Variants in MYO16 observed in about 807,000 individuals in gnomAD.
MYO16 encodes the protein unconventional myosin-XVI.
Under a neutral mutation model 205.3 loss-of-function variants are expected in MYO16, and 94 were observed. The observed-to-expected ratio is 0.46, with a 90% CI of 0.39 to 0.54. The LOEUF (loss-of-function observed/expected upper bound fraction) is 0.54, where lower values mean the gene tolerates loss of function less well. Among genes scored for constraint, MYO16 ranks in the 20% least tolerant of loss-of-function variants. The pLI, the probability that MYO16 is intolerant of heterozygous loss-of-function variation, is 0.00. For missense variants in MYO16, 2,315 were observed against 2,387.5 expected, an observed-to-expected ratio of 0.97 and a Z score of 0.63; for synonymous variants, 988 against 954.0, an observed-to-expected ratio of 1.04 and a Z score of -0.66.
At chr13:109,030,771 C>G (rs1886523291) in intron 23 of MYO16, among the ~76,000 whole-genome samples, 1 of 152,076 alleles carries the variant, frequency 6.6e-6, no homozygotes. Context: ...GCAAAGTCAA[C>G]TAAACTCCCT....
At position 108,642,833 on chromosome 13, in the gene MYO16, C is replaced by G. The variant is rs142567940; in HGVS notation, c.28+12961C>G. On this transcript the variant is annotated intron_variant, in intron 1 of 34. Coordinates refer to ENST00000457511, the MANE Select transcript of MYO16 (RefSeq NM_001198950.3). ...AAATAATTAGTTTTATTTACTAATC[C>G]TACCCCCCCAAATTTTGTCTTATTA... 5.7e-4 allele frequency among the ~76,000 whole-genome samples: 86 copies of G among 152,160 alleles called. 1 individual carries two copies. The East Asian group carries it at 0.016, about 28-fold the overall frequency.
At chr13:109,199,194 A>ATATG (rs1880293425) in intron 34 of MYO16, among the ~76,000 whole-genome samples, 4 of 1,350 alleles carry the variant, frequency 3.0e-3, no homozygotes, top group Non-Finnish European at 1.7e-3. Flanking sequence ...TAAAAAAGGT[A>ATATG]TATATATATA....
chr13:108,624,090 G>A (rs1262566057), intron 1 of MYO16, among the ~76,000 whole-genome samples: 1 of 152,124 alleles, frequency 6.6e-6, no homozygotes, highest in Non-Finnish European at 1.5e-5. Context: ...AAAAATCCAT[G>A]TATATCAATG....
At chr13:108,868,128 T>A (rs1594356057) in intron 12 of MYO16, among the ~76,000 whole-genome samples, 1 of 109,548 alleles carries the variant, frequency 9.1e-6, no homozygotes, top group South Asian at 2.8e-4. Context: ...ATCCTCACAA[T>A]TTTTTTTTGA....
chr13:108,742,062 G>A (rs113598364), intron 4 of MYO16, among the ~76,000 whole-genome samples: 5,401 of 152,168 alleles, frequency 0.035, 299 homozygotes, highest in African/African-American at 0.12. Flanking sequence ...GCATGATCTT[G>A]GCTGACTGCA....
chr13:109,114,445 T>G (rs1875570047), intron 28 of MYO16, among the ~76,000 whole-genome samples: 1 of 152,230 alleles, frequency 6.6e-6, no homozygotes. Context: ...ACTAACTTTC[T>G]GTGTGGACTG....
At chr13:109,013,482 G>C (rs1885690149) in intron 22 of MYO16, among the ~76,000 whole-genome samples, 1 of 152,178 alleles carries the variant, frequency 6.6e-6, no homozygotes, top group Admixed American at 6.5e-5. Context: ...TATATACCCA[G>C]TAATGGGATC....
chr13:108,583,808 C>A, the MYO16 span, among the ~76,000 whole-genome samples: 3 of 152,194 alleles, frequency 2.0e-5, no homozygotes, highest in Non-Finnish European at 4.4e-5. Flanking sequence ...CCTTCAATAT[C>A]ATCGGGAAGA....
At chr13:109,022,458 C>A (rs1400037674) in intron 23 of MYO16, among the ~76,000 whole-genome samples, 2 of 121,502 alleles carry the variant, frequency 1.6e-5, no homozygotes, top group Non-Finnish European at 3.2e-5. Context: ...GTTATATATA[C>A]AATATAAACA....
chr13:108,669,827 A>G (rs1352330641), intron 2 of MYO16, among the ~76,000 whole-genome samples: 3 of 152,188 alleles, frequency 2.0e-5, no homozygotes, highest in East Asian at 1.9e-4. Context: ...ACAGGAACAG[A>G]AAACCAAACA....
chr13:108,747,232 C>A (rs901982238), intron 4 of MYO16, among the ~76,000 whole-genome samples: 3 of 152,070 alleles, frequency 2.0e-5, no homozygotes, highest in African/African-American at 7.2e-5. Context: ...GAATAGAGAA[C>A]ATTGAAGAAG....
At chr13:108,978,763 CT>C (rs1174817953) in intron 20 of MYO16, among the ~76,000 whole-genome samples, 32 of 151,930 alleles carry the variant, frequency 2.1e-4, no homozygotes, top group African/African-American at 7.5e-4. Context: ...ACAGTTTGTA[CT>C]AAATGAAGAT....
rs976870572 is a variant in MYO16, at chr13:108,655,960, G to A, written c.29-9926G>A. The stretch of plus-strand genomic sequence containing the variant: ...TGCTTTCGATTTTACAGGCTCATAG[G>A]CATAAGGGACTTGCCTTGTTTCAGA... On this transcript the variant is annotated intron_variant, in intron 1 of 34. Transcript: ENST00000457511. Among the ~76,000 whole-genome samples the A allele has an allele frequency of 2.6e-5, 4 of 152,106 alleles. No homozygotes were observed. The South Asian group carries it at 8.3e-4, about 32-fold the overall frequency.
rs1328761396 is a variant in MYO16, at chr13:108,919,579, T to C, written c.1925+9429T>C. The stretch of plus-strand genomic sequence containing the variant: ...TTCTTGGCTGAGTAAAGATGTTTGC[T>C]TGATGCTAGATGTGCAAGCAGTGTA... On this transcript the variant is annotated intron_variant, in intron 16 of 34. Transcript: ENST00000457511. 3.9e-5 allele frequency among the ~76,000 whole-genome samples: 6 copies of C among 152,322 alleles called. No homozygotes were observed. In the South Asian group the frequency reaches 1.2e-3, roughly 32 times the overall value.
At chr13:109,056,792 C>T (rs1887431152) in intron 27 of MYO16, among the ~76,000 whole-genome samples, 1 of 151,990 alleles carries the variant, frequency 6.6e-6, no homozygotes, top group East Asian at 1.9e-4. Flanking sequence ...AACAATAAAA[C>T]AGGGGTGGGC....
At chr13:108,709,325 A>G (rs1883635206) in intron 2 of MYO16, among the ~76,000 whole-genome samples, 1 of 152,198 alleles carries the variant, frequency 6.6e-6, no homozygotes, top group African/African-American at 2.4e-5. Flanking sequence ...AGTAATTCTG[A>G]GGCCAATAAA....
chr13:108,546,915 C>T, the MYO16 span, among the ~76,000 whole-genome samples: 1 of 152,110 alleles, frequency 6.6e-6, no homozygotes, highest in Non-Finnish European at 1.5e-5. Context: ...ATTATCCTTC[C>T]TCCAGGAGAA....
the MYO16 span, among the ~76,000 whole-genome samples, chr13:108,547,668 C>G: frequency 2.0e-5 from 3 of 152,296 alleles, no homozygotes; most frequent in African/African-American, 4.8e-5. Flanking sequence ...GGCCATTTAT[C>G]TAAGAGCTTA....
chr13:109,156,220 G>T (rs1269667669), intron 32 of MYO16, among the ~76,000 whole-genome samples: 1 of 152,136 alleles, frequency 6.6e-6, no homozygotes, highest in Non-Finnish European at 1.5e-5. Flanking sequence ...ATTTAATTAC[G>T]CACCATCTAT....
Sources: allele counts gnomAD v4.1 joint callset (sites outside exome capture counted in the v4.1 genomes callset), GRCh38; gene constraint gnomAD v4.1.1; transcripts MANE v1.5; gene names NCBI Gene and HGNC (gene_info 2026-07-23, HGNC 2026-07-21).